GBP7: variants seen among roughly 807,000 people sequenced by gnomAD.
The protein encoded by GBP7 is guanylate-binding protein 7.
A neutral mutation model predicts 61.3 loss-of-function variants in GBP7; 43 were observed. The observed-to-expected ratio is 0.70, with a 90% CI of 0.55 to 0.91. The LOEUF is 0.91. Among genes scored for constraint, GBP7 ranks in the 40% least tolerant of loss-of-function variants. The pLI, the probability that GBP7 is intolerant of heterozygous loss-of-function variation, is 0.00. For synonymous variants in GBP7, 267 were observed against 271.0 expected (o/e 0.99, Z 0.14); for missense variants, 717 against 740.5 (o/e 0.97, Z 0.37).
At chr1:89,133,556 A>T (rs1570336125) in intron 9 of GBP7, 105 bp from the exon 10 acceptor site, 2 of 864,268 alleles carry the variant, frequency 2.3e-6, no homozygotes, top group East Asian at 4.8e-5. Flanking sequence ...CCACTGAGAG[A>T]CCAGACCGTA....
At chr1:89,158,126 A>G (rs1340956954) in intron 3 of GBP7, among the ~76,000 whole-genome samples, 1 of 152,226 alleles carries the variant, frequency 6.6e-6, no homozygotes, top group African/African-American at 2.4e-5. Context: ...GATTTTCTCA[A>G]TAGATTCAGA....
At chr1:89,165,393 G>A (rs1356273081) in intron 2 of GBP7, among the ~76,000 whole-genome samples, 1 of 152,054 alleles carries the variant, frequency 6.6e-6, no homozygotes, top group Non-Finnish European at 1.5e-5. Flanking sequence ...CCAGCTACTT[G>A]GGAGGCTGAG....
Position 89,149,435 on chromosome 1 carries a change from G to T in GBP7, c.1009C>A (p.Gln337Lys), listed in dbSNP as rs535795589. The T allele has an allele frequency of 5.0e-6, 8 of 1,614,174 alleles. No homozygotes were observed. Among genetic ancestry groups the T allele is most frequent in the African/African-American group, 4.0e-5 (3 of 75,030 alleles). Reference protein sequence around the residue: ...VQRAANHYSQQMAQQVRFPTD... With the variant: ...VQRAANHYSQKMAQQVRFPTD... Reference sequence around the variant, plus strand: ...GGGAATCTCACTTGCTGGGCCATCTGCTGGCTGTAGTGGTTGGCTGCCCTC... The same window carrying T: ...GGGAATCTCACTTGCTGGGCCATCTTCTGGCTGTAGTGGTTGGCTGCCCTC... The change falls in exon 7 of 11, where the codon CAG becomes AAG. Residue 337 changes from glutamine to lysine, a missense_variant. By Grantham distance (53) the Gln-to-Lys change is moderately conservative. Transcript: ENST00000294671.
chr1:89,134,219 A>G (rs116769486), intron 9 of GBP7, among the ~76,000 whole-genome samples: 2,951 of 152,236 alleles, frequency 0.019, 87 homozygotes, highest in African/African-American at 0.067. Context: ...TGTGCACTCA[A>G]TGCACCCTCT....
At chr1:89,138,654 C>T (rs1047383535) in intron 9 of GBP7, among the ~76,000 whole-genome samples, 5 of 152,066 alleles carry the variant, frequency 3.3e-5, no homozygotes, top group Non-Finnish European at 7.4e-5. Flanking sequence ...TGGACCCCTT[C>T]TTCTCACTAT....
chr1:89,168,902 G>C (rs923138604), intron 2 of GBP7, among the ~76,000 whole-genome samples: 5 of 152,120 alleles, frequency 3.3e-5, no homozygotes, highest in Non-Finnish European at 5.9e-5. Flanking sequence ...CCGGGAGGCG[G>C]AGGTTGCGGT....
rs374864805 is a variant in GBP7, at chr1:89,152,355, C to G, written c.538G>C (p.Val180Leu). The G allele has an allele frequency of 3.9e-5, 63 of 1,614,014 alleles. No homozygotes were observed. In the African/African-American group the frequency reaches 7.9e-4, roughly 20 times the overall value. The change falls in exon 5 of 11, where the codon GTT (valine) becomes CTT (leucine). Residue 180 changes from valine to leucine, a missense_variant. Around this residue, in one of 3 missense-constraint regions of GBP7, gnomAD observed 387 missense variants for 385.2 expected, o/e 1.00. Coordinates refer to ENST00000294671, the MANE Select transcript of GBP7 (RefSeq NM_207398.3). ...TTCAGCTCCAGGGTAAAATCTCGAA[C>G]AGTCCAAATAAAGTCTGGAAAGAAA... is the stretch of plus-strand genomic sequence containing the variant. ...VSFFPDFIWT[V>L]RDFTLELKLD...
chr1:89,162,422 T>C (rs1407691152), intron 3 of GBP7, among the ~76,000 whole-genome samples: 1 of 152,222 alleles, frequency 6.6e-6, no homozygotes, highest in Non-Finnish European at 1.5e-5. Flanking sequence ...AGGAATGTTT[T>C]TCCATTTATT....
At chr1:89,153,013 A>C (rs1356927486) in intron 3 of GBP7, among the ~76,000 whole-genome samples, 3 of 152,248 alleles carry the variant, frequency 2.0e-5, no homozygotes, top group East Asian at 1.9e-4. Context: ...AAATATTGTT[A>C]ATGTATAAAG....
At chr1:89,145,015 C>T (rs984553227) in intron 8 of GBP7, among the ~76,000 whole-genome samples, 1 of 145,278 alleles carries the variant, frequency 6.9e-6, no homozygotes, top group Non-Finnish European at 1.5e-5. Context: ...TGCAGTGGTG[C>T]GATCTCGGTT....
At chr1:89,148,205 G>C (rs12755980) in intron 7 of GBP7, among the ~76,000 whole-genome samples, 1 of 152,194 alleles carries the variant, frequency 6.6e-6, no homozygotes, top group African/African-American at 2.4e-5. Flanking sequence ...ATCTTAAAAT[G>C]TGAAGATATG....
At chr1:89,143,273 A>G (rs957938533) in intron 8 of GBP7, among the ~76,000 whole-genome samples, 6 of 152,204 alleles carry the variant, frequency 3.9e-5, no homozygotes, top group African/African-American at 1.4e-4. Context: ...CCTGACCTGT[A>G]CTAGGCTTTG....
chr1:89,155,093 T>C (rs1682283638), intron 3 of GBP7, among the ~76,000 whole-genome samples: 1 of 152,232 alleles, frequency 6.6e-6, no homozygotes, highest in South Asian at 2.1e-4. Flanking sequence ...AAACAGGGTC[T>C]GGAGTGGACC....
chr1:89,135,641 G>A (rs1681782987), intron 9 of GBP7, among the ~76,000 whole-genome samples: 2 of 152,068 alleles, frequency 1.3e-5, no homozygotes, highest in Admixed American at 1.3e-4. Flanking sequence ...ACAAGCAAAT[G>A]CTAAGGGAAT....
chr1:89,145,166 TGGA>T (rs1479626429), intron 8 of GBP7, among the ~76,000 whole-genome samples: 2 of 152,116 alleles, frequency 1.3e-5, no homozygotes, highest in African/African-American at 4.8e-5. Context: ...TTGGCCAGGA[TGGA>T]CTTGATCTCC....
chr1:89,150,539 C>T lies in GBP7; in HGVS notation c.662G>A (p.Arg221Lys). The T allele has an allele frequency of 6.2e-7, 1 of 1,613,976 alleles. No individual in the cohort carries two copies. The highest frequency in any genetic ancestry group is 8.5e-7 in the Non-Finnish European group (1 of 1,179,878). ...TGGAAAGAAATGCCTGATCCACTCC[C>T]TGGGCTTGTTAGAATTTTGGATTTG... ...NPQIQNSNKPREWIRHFFPKQ... is the reference protein window; with the variant it reads ...NPQIQNSNKPKEWIRHFFPKQ... Residue 221 changes from arginine (R) to lysine (K), a missense_variant, in exon 6 of 11, where the codon AGG becomes AAG. This residue lies in a region of GBP7 where 387 missense variants were observed against 385.2 expected (regional missense o/e 1.00). Coordinates refer to ENST00000294671, the MANE Select transcript of GBP7 (RefSeq NM_207398.3).
At chr1:89,138,810 C>T (rs551240879) in intron 9 of GBP7, among the ~76,000 whole-genome samples, 58 of 151,914 alleles carry the variant, frequency 3.8e-4, no homozygotes, top group African/African-American at 1.3e-3. Flanking sequence ...CCACTGCAAC[C>T]GAACAAAAAG....
chr1:89,139,884 C>G (rs1025245044), intron 9 of GBP7, among the ~76,000 whole-genome samples: 4 of 152,050 alleles, frequency 2.6e-5, no homozygotes, highest in African/African-American at 9.7e-5. Context: ...GTCAGTGTGG[C>G]GATTCCTCAG....
chr1:89,146,920 C>T (rs1422080457), intron 8 of GBP7, among the ~76,000 whole-genome samples: 1 of 152,188 alleles, frequency 6.6e-6, no homozygotes, highest in African/African-American at 2.4e-5. Flanking sequence ...TCCTGAGTTT[C>T]CAGTGGCGTT....
Sources: gnomAD v4.1 joint callset for allele counts (sites outside exome capture counted in the v4.1 genomes callset) on GRCh38, gnomAD v4.1.1 for gene constraint, gnomAD v4.1.1 regional missense constraint, MANE v1.5 for transcripts, NCBI Gene and HGNC (gene_info 2026-07-23, HGNC 2026-07-21) for gene names.